Variants in MAML2 observed in about 807,000 individuals in gnomAD.
The protein encoded by MAML2 is mastermind like transcriptional coactivator 2, also known as mastermind-like protein 2.
A neutral mutation model predicts 96.1 loss-of-function variants in MAML2; 22 were observed. The ratio of observed to expected loss-of-function variants is 0.23; its 90% CI spans 0.16 to 0.33. The LOEUF (loss-of-function observed/expected upper bound fraction) is 0.33, where lower values mean the gene tolerates loss of function less well. Ranked by LOEUF, MAML2 falls within the 10% of genes least tolerant of loss-of-function variation. The probability of loss-of-function intolerance (pLI) is 1.00; values close to 1 mark genes in which losing one functional copy is unlikely to be tolerated. For synonymous variants in MAML2, 561 were observed against 521.3 expected (o/e 1.08, Z -1.04); for missense variants, 1,367 against 1,392.4 (o/e 0.98, Z 0.29).
intron 1 of MAML2, among the ~76,000 whole-genome samples, chr11:96,320,697 T>A (rs1249965738): frequency 1.3e-5 from 2 of 152,188 alleles, no homozygotes; most frequent in African/African-American, 4.8e-5. Context: ...TAGAGATGTG[T>A]GTGTGTTTGT....
chr11:96,336,494 G>A (rs1030924310), intron 1 of MAML2, among the ~76,000 whole-genome samples: 1 of 152,224 alleles, frequency 6.6e-6, no homozygotes, highest in Non-Finnish European at 1.5e-5. Flanking sequence ...GCCTGCTGGA[G>A]TGTGACGGAA....
chr11:96,295,172 C>G (rs559244012), intron 1 of MAML2, among the ~76,000 whole-genome samples: 34 of 152,080 alleles, frequency 2.2e-4, no homozygotes, highest in Admixed American at 3.9e-4. Flanking sequence ...GAAATATGCA[C>G]ATTTAATTTC....
At chr11:96,108,179 G>A (rs1225834071) in intron 1 of MAML2, among the ~76,000 whole-genome samples, 1 of 152,154 alleles carries the variant, frequency 6.6e-6, no homozygotes, top group Non-Finnish European at 1.5e-5. Flanking sequence ...TAATAATTGA[G>A]TTAATTTATG....
chr11:96,147,807 T>C (rs1327400070), intron 1 of MAML2, among the ~76,000 whole-genome samples: 1 of 152,230 alleles, frequency 6.6e-6, no homozygotes, highest in Admixed American at 6.5e-5. Flanking sequence ...ATGCACATTG[T>C]AGGGGTATTG....
At position 95,985,648 on chromosome 11, in the gene MAML2, G is replaced by T; in HGVS notation, c.2344-6C>A. 3 of 1,525,656 alleles carry T rather than the reference G, an allele frequency of 2.0e-6. No individual in the cohort carries two copies. The highest frequency in any genetic ancestry group is 2.7e-6 in the Non-Finnish European group (3 of 1,102,268). The allele number at this position is 1,525,656 out of a possible 1,614,324, so 94.5% of individuals were successfully genotyped here. On this transcript the variant is annotated splice_polypyrimidine_tract_variant and splice_region_variant and intron_variant, in intron 3 of 4. Coordinates refer to ENST00000524717, the MANE Select transcript of MAML2 (RefSeq NM_032427.4). ...TCTTGTGGAGCAATTTTCTCCTTGAGAAATGATATGAAAGCATATTATGTT... is the reference window on the plus strand; with the variant it reads ...TCTTGTGGAGCAATTTTCTCCTTGATAAATGATATGAAAGCATATTATGTT...
intron 2 of MAML2, among the ~76,000 whole-genome samples, chr11:96,021,980 C>T (rs747279672): frequency 9.9e-5 from 15 of 152,112 alleles, no homozygotes; most frequent in Non-Finnish European, 1.6e-4. Flanking sequence ...AGAGTTCCTA[C>T]CTTGAACCTG....
intron 2 of MAML2, among the ~76,000 whole-genome samples, chr11:96,010,763 A>AT (rs1311587028): frequency 6.6e-6 from 1 of 152,190 alleles, no homozygotes; most frequent in Non-Finnish European, 1.5e-5. Flanking sequence ...ACAGAGAAAT[A>AT]TTTTTGCCTG....
chr11:96,099,435 G>T (rs1859885722), intron 1 of MAML2, among the ~76,000 whole-genome samples: 1 of 151,970 alleles, frequency 6.6e-6, no homozygotes, highest in Non-Finnish European at 1.5e-5. Flanking sequence ...TTCTTATTTG[G>T]CCCTACCAAG....
intron 2 of MAML2, among the ~76,000 whole-genome samples, chr11:96,078,949 G>A (rs1408853942): frequency 1.3e-5 from 2 of 152,198 alleles, no homozygotes; most frequent in African/African-American, 4.8e-5. Flanking sequence ...GGTACAGCAA[G>A]CAGTAAGAAG....
At chr11:96,121,084 G>GC (rs1555012405) in intron 1 of MAML2, among the ~76,000 whole-genome samples, 127 of 606 alleles carry the variant, frequency 0.21, no homozygotes, top group East Asian at 0.42. Context: ...GCCAGAGTCA[G>GC]GGGGGAGTGA....
At chr11:96,171,671 C>A (rs1188946921) in intron 1 of MAML2, among the ~76,000 whole-genome samples, 1 of 152,156 alleles carries the variant, frequency 6.6e-6, no homozygotes, top group African/African-American at 2.4e-5. Flanking sequence ...AAACAACACG[C>A]CAAAGTTCAG....
At chr11:95,990,730 A>C (rs918791737) in intron 3 of MAML2, among the ~76,000 whole-genome samples, 2 of 152,166 alleles carry the variant, frequency 1.3e-5, no homozygotes, top group Non-Finnish European at 2.9e-5. Flanking sequence ...AGCTCCTTGA[A>C]TATAAAATTA....
intron 1 of MAML2, among the ~76,000 whole-genome samples, chr11:96,125,920 A>T (rs1029774688): frequency 2.0e-5 from 3 of 152,192 alleles, no homozygotes; most frequent in Non-Finnish European, 4.4e-5. Flanking sequence ...TCTGGTTGTA[A>T]TTGTGCTAGT....
At chr11:96,098,138 G>T (rs1565214116) in intron 1 of MAML2, among the ~76,000 whole-genome samples, 1 of 152,212 alleles carries the variant, frequency 6.6e-6, no homozygotes, top group Non-Finnish European at 1.5e-5. Flanking sequence ...GACACAGGGG[G>T]TTGGATGGCA....
intron 1 of MAML2, among the ~76,000 whole-genome samples, chr11:96,169,468 T>A (rs952075785): frequency 2.0e-5 from 3 of 152,186 alleles, no homozygotes; most frequent in African/African-American, 7.2e-5. Flanking sequence ...CTCGAGCTCC[T>A]CCTTCTAAAA....
At chr11:96,191,490 A>C (rs1861652868) in intron 1 of MAML2, among the ~76,000 whole-genome samples, 1 of 130,678 alleles carries the variant, frequency 7.7e-6, no homozygotes, top group African/African-American at 2.8e-5. Context: ...ATAAAAAAAA[A>C]AAGGGCCGGG....
intron 1 of MAML2, among the ~76,000 whole-genome samples, chr11:96,207,696 T>C (rs534363339): frequency 6.6e-6 from 1 of 152,350 alleles, no homozygotes; most frequent in African/African-American, 2.4e-5. Context: ...CCAGGCAGTA[T>C]ATGCATGGCT....
At chr11:96,133,027 T>C (rs1310772900) in intron 1 of MAML2, among the ~76,000 whole-genome samples, 1 of 152,220 alleles carries the variant, frequency 6.6e-6, no homozygotes, top group Non-Finnish European at 1.5e-5. Flanking sequence ...TTACATCTCA[T>C]TCAATAATAT....
chr11:96,140,912 G>A (rs972081353), intron 1 of MAML2, among the ~76,000 whole-genome samples: 6 of 152,126 alleles, frequency 3.9e-5, no homozygotes, highest in African/African-American at 1.4e-4. Context: ...TCTTTCAAAT[G>A]GCTTTATTTG....
Sources: allele counts gnomAD v4.1 joint callset (sites outside exome capture counted in the v4.1 genomes callset), GRCh38; gene constraint gnomAD v4.1.1; transcripts MANE v1.5; gene names NCBI Gene and HGNC (gene_info 2026-07-23, HGNC 2026-07-21).